The following NCAM1 variants were observed in gnomAD, a reference collection of about 807,000 sequenced individuals.
NCAM1 encodes neural cell adhesion molecule 1, also known as antigen recognized by monoclonal antibody 5.1H11.
NCAM1 carries 14 observed loss-of-function variants against 109.8 expected under a neutral mutation model. That is an observed-to-expected ratio of 0.13 (90% confidence interval 0.08 to 0.20). NCAM1 has a LOEUF of 0.20. Among genes scored for constraint, NCAM1 ranks in the 10% least tolerant of loss-of-function variants. The pLI is 1.00. For missense variants in NCAM1, 774 were observed against 1,109.9 expected, an observed-to-expected ratio of 0.70 and a Z score of 4.30; for synonymous variants, 418 against 442.9, an observed-to-expected ratio of 0.94 and a Z score of 0.70.
chr11:113,030,517 T>C (rs1952683535), intron 1 of NCAM1, among the ~76,000 whole-genome samples: 1 of 152,204 alleles, frequency 6.6e-6, no homozygotes. Context: ...GATGGAGCAA[T>C]TGACATGTAA....
chr11:113,128,468 T>C (rs1333204680), intron 1 of NCAM1, among the ~76,000 whole-genome samples: 2 of 152,224 alleles, frequency 1.3e-5, no homozygotes, highest in Non-Finnish European at 2.9e-5. Context: ...CTCCCCTCCA[T>C]GTTCACAGTC....
At chr11:113,068,227 T>A (rs1555084592) in intron 1 of NCAM1, among the ~76,000 whole-genome samples, 1 of 152,150 alleles carries the variant, frequency 6.6e-6, no homozygotes, top group Non-Finnish European at 1.5e-5. Context: ...ACCAAGTTTT[T>A]AAGACTTGCC....
intron 1 of NCAM1, among the ~76,000 whole-genome samples, chr11:113,013,264 G>A (rs1952117204): frequency 6.6e-6 from 1 of 151,470 alleles, no homozygotes; most frequent in Non-Finnish European, 1.5e-5. Flanking sequence ...CCATATCTAC[G>A]AAAATATCAA....
chr11:113,176,624 G>A (rs1386915681), intron 1 of NCAM1, among the ~76,000 whole-genome samples: 1 of 152,158 alleles, frequency 6.6e-6, no homozygotes, highest in Admixed American at 6.5e-5. Flanking sequence ...ACACTCCATG[G>A]TTTTCAAAGG....
chr11:112,961,770 A>G (rs370269762), intron 1 of NCAM1, 106 bp downstream of exon 1: 30 of 739,196 alleles, frequency 4.1e-5, no homozygotes, highest in Admixed American at 1.1e-4. Flanking sequence ...TGGACTGCTA[A>G]GGCTGGTCAT....
At chr11:113,197,544 G>A (rs113684179) in intron 1 of NCAM1, among the ~76,000 whole-genome samples, 2 of 152,154 alleles carry the variant, frequency 1.3e-5, no homozygotes, top group Non-Finnish European at 2.9e-5. Flanking sequence ...TATTTATCCT[G>A]TTTGTTTCAC....
At chr11:113,220,134 A>T (rs1349342916) in intron 8 of NCAM1, among the ~76,000 whole-genome samples, 1 of 152,224 alleles carries the variant, frequency 6.6e-6, no homozygotes, top group Non-Finnish European at 1.5e-5. Flanking sequence ...CATGTCTTTG[A>T]ATCCTAGTAT....
chr11:113,149,248 G>A (rs1942134618), intron 1 of NCAM1, among the ~76,000 whole-genome samples: 1 of 152,178 alleles, frequency 6.6e-6, no homozygotes, highest in Non-Finnish European at 1.5e-5. Flanking sequence ...AGCCTGGCTA[G>A]GGCTGTGCCT....
At chr11:113,268,542 C>T (rs1466423971) in intron 17 of NCAM1, among the ~76,000 whole-genome samples, 1 of 152,210 alleles carries the variant, frequency 6.6e-6, no homozygotes, top group Non-Finnish European at 1.5e-5. Context: ...GTGAGGGATC[C>T]TCTCTGGCAT....
At chr11:113,220,260 C>T (rs1015375520) in intron 8 of NCAM1, among the ~76,000 whole-genome samples, 1 of 152,124 alleles carries the variant, frequency 6.6e-6, no homozygotes, top group African/African-American at 2.4e-5. Flanking sequence ...CTTGCAAATG[C>T]CAACTTGTGA....
chr11:113,028,126 G>T (rs1952609249), intron 1 of NCAM1, among the ~76,000 whole-genome samples: 1 of 152,118 alleles, frequency 6.6e-6, no homozygotes, highest in Non-Finnish European at 1.5e-5. Flanking sequence ...TCATAGTAGG[G>T]TGACTATAGC....
At chr11:113,220,214 T>A (rs1268249940) in intron 8 of NCAM1, among the ~76,000 whole-genome samples, 1 of 152,136 alleles carries the variant, frequency 6.6e-6, no homozygotes, top group East Asian at 1.9e-4. Context: ...TAGATGTGGG[T>A]GGAAAATCCC....
intron 9 of NCAM1, among the ~76,000 whole-genome samples, chr11:113,222,624 G>A (rs1555115525): frequency 6.6e-6 from 1 of 152,182 alleles, no homozygotes; most frequent in African/African-American, 2.4e-5. Flanking sequence ...AGAGAGAGAA[G>A]GGTTAATTAT....
Position 113,275,163 on chromosome 11 carries a change from C to T in NCAM1, c.2457-104C>T, listed in dbSNP as rs1353702046. ...CAGAGGTTGGAGCCGGGTGCTGTCA[C>T]TGGAGAACCCCTCCTCCTCCCTGCT... On this transcript the variant is annotated intron_variant, in intron 19 of 19. Transcript: ENST00000316851. The T allele has an allele frequency of 2.7e-5, 39 of 1,457,496 alleles. No individual in the cohort carries two copies. In the Middle Eastern group the frequency reaches 2.1e-3, roughly 78 times the overall value. The allele number at this position is 1,457,496 out of a possible 1,614,324, so 90.3% of individuals were successfully genotyped here. A position where few individuals can be genotyped will look rare whatever the true frequency, so the allele number is the denominator to read the frequency against.
intron 1 of NCAM1, among the ~76,000 whole-genome samples, chr11:112,964,009 A>G (rs1391131240): frequency 2.0e-5 from 3 of 152,168 alleles, no homozygotes; most frequent in Non-Finnish European, 4.4e-5. Context: ...ATAATTTCCC[A>G]TTAAAATGTC....
chr11:113,213,740 G>T (rs1233700202), intron 7 of NCAM1, among the ~76,000 whole-genome samples: 1 of 152,150 alleles, frequency 6.6e-6, no homozygotes, highest in African/African-American at 2.4e-5. Context: ...GCACATCTGG[G>T]TCATTGCCAG....
At chr11:113,091,780 A>G (rs1939354851) in intron 1 of NCAM1, among the ~76,000 whole-genome samples, 1 of 152,176 alleles carries the variant, frequency 6.6e-6, no homozygotes, top group Admixed American at 6.5e-5. Flanking sequence ...GAATGGAAAA[A>G]ATTAGGTGGC....
chr11:113,247,660 C>A (rs1054263418), intron 15 of NCAM1, among the ~76,000 whole-genome samples: 4 of 152,094 alleles, frequency 2.6e-5, no homozygotes, highest in African/African-American at 9.7e-5. Flanking sequence ...TCCAAAAAGG[C>A]GATATTGGGT....
At chr11:113,066,376 T>A (rs1298514571) in intron 1 of NCAM1, among the ~76,000 whole-genome samples, 1 of 152,218 alleles carries the variant, frequency 6.6e-6, no homozygotes, top group Non-Finnish European at 1.5e-5. Flanking sequence ...CTATTTTGCT[T>A]CACTAATTAC....
Sources: gnomAD v4.1 joint callset for allele counts (sites outside exome capture counted in the v4.1 genomes callset) on GRCh38, gnomAD v4.1.1 for gene constraint, MANE v1.5 for transcripts, NCBI Gene and HGNC (gene_info 2026-07-23, HGNC 2026-07-21) for gene names.